BMP6: variants seen among roughly 807,000 people sequenced by gnomAD.
The protein encoded by BMP6 is bone morphogenetic protein 6, also known as VG-1-R.
A neutral mutation model predicts 54.1 loss-of-function variants in BMP6; 17 were observed. The observed-to-expected ratio is 0.31, with a 90% CI of 0.22 to 0.47. The LOEUF is 0.47. Among genes scored for constraint, BMP6 ranks in the 20% least tolerant of loss-of-function variants. BMP6 has a pLI of 1.00. For synonymous variants in BMP6, 328 were observed against 291.2 expected (o/e 1.13, Z -1.28); for missense variants, 720 against 690.4 (o/e 1.04, Z -0.48).
intron 1 of BMP6, among the ~76,000 whole-genome samples, chr6:7,819,361 T>C (rs1758574351): frequency 6.6e-6 from 1 of 152,194 alleles, no homozygotes; most frequent in Admixed American, 6.5e-5. Flanking sequence ...TTGTGTAACT[T>C]GTAGGTTACA....
At chr6:7,853,761 G>A (rs951834950) in intron 2 of BMP6, among the ~76,000 whole-genome samples, 4 of 152,182 alleles carry the variant, frequency 2.6e-5, no homozygotes, top group African/African-American at 9.7e-5. Flanking sequence ...GCCTCGAGAG[G>A]CAAGCAGTGA....
At chr6:7,796,412 TAGA>T (rs1269704794) in intron 1 of BMP6, among the ~76,000 whole-genome samples, 1 of 152,244 alleles carries the variant, frequency 6.6e-6, no homozygotes, top group Non-Finnish European at 1.5e-5. Flanking sequence ...CTGTGCTTGG[TAGA>T]AGAATAGTAC....
chr6:7,795,207 G>A (rs904346223), intron 1 of BMP6, among the ~76,000 whole-genome samples: 12 of 152,126 alleles, frequency 7.9e-5, no homozygotes, highest in African/African-American at 2.7e-4. Flanking sequence ...AAACACAAGG[G>A]CAGACAATTT....
chr6:7,845,191 A>T lies in BMP6; in HGVS notation c.716A>T (p.Lys239Met). 1.2e-6 allele frequency: 2 copies of T among 1,614,208 alleles called. No homozygotes were observed. Among genetic ancestry groups the T allele is most frequent in the Non-Finnish European group, 1.7e-6 (2 of 1,180,016 alleles). The change falls in exon 2 of 7, where the codon AAG becomes ATG. Residue 239 changes from lysine to methionine, a missense_variant. Lys to Met is a moderately conservative substitution (Grantham distance 95). Transcript: ENST00000283147. Reference sequence around the variant, plus strand: ...CGTCAGCGACACCACAAAGAGTTCAAGTTCAACTTATCCCAGATTCCTGAG... The same window carrying T: ...CGTCAGCGACACCACAAAGAGTTCATGTTCAACTTATCCCAGATTCCTGAG... ...SPRQRHHKEF[K>M]FNLSQIPEGE...
At chr6:7,761,819 C>A (rs187697432) in intron 1 of BMP6, among the ~76,000 whole-genome samples, 2 of 152,322 alleles carry the variant, frequency 1.3e-5, no homozygotes, top group Non-Finnish European at 2.9e-5. Flanking sequence ...TGTCATTTGT[C>A]ATTTGTTATT....
At chr6:7,786,242 C>T (rs1238790262) in intron 1 of BMP6, among the ~76,000 whole-genome samples, 1 of 152,120 alleles carries the variant, frequency 6.6e-6, no homozygotes, top group East Asian at 1.9e-4. Context: ...GGACGTCCCA[C>T]CATGATGGCA....
intron 1 of BMP6, among the ~76,000 whole-genome samples, chr6:7,808,369 C>G (rs539823365): frequency 6.6e-6 from 1 of 152,152 alleles, no homozygotes; most frequent in South Asian, 2.1e-4. Context: ...ATGTGTTAAC[C>G]ACTCATTTCA....
chr6:7,768,711 G>A (rs967197291), intron 1 of BMP6, among the ~76,000 whole-genome samples: 4 of 152,122 alleles, frequency 2.6e-5, no homozygotes, highest in Admixed American at 2.0e-4. Flanking sequence ...GTCTGCACAG[G>A]GACGCAAGGT....
In BMP6 at chr6:7,727,333, C is replaced by T. The variant is rs1411240433; in HGVS notation, c.378C>T (p.Pro126=). Residue 126 remains proline (P), a synonymous_variant, in exon 1 of 7, where the codon CCC becomes CCT. Coordinates refer to ENST00000283147, the MANE Select transcript of BMP6 (RefSeq NM_001718.6). ...AGCTGCCTCGCGGAGAGCCCCCTCC[C>T]GGGCGACTGAAGTCCGCGCCCCTCT... ...QQQLPRGEPP[P]GRLKSAPLFM... The T allele has an allele frequency of 1.9e-6, 3 of 1,609,532 alleles. No individual in the cohort carries two copies. The highest frequency in any genetic ancestry group is 2.2e-5 in the South Asian group (2 of 90,796).
At chr6:7,876,635 TG>T (rs1484677301) in intron 4 of BMP6, among the ~76,000 whole-genome samples, 4 of 152,268 alleles carry the variant, frequency 2.6e-5, no homozygotes, top group African/African-American at 7.2e-5. Context: ...ATCTGTTTAA[TG>T]TATAACTAAT....
intron 1 of BMP6, among the ~76,000 whole-genome samples, chr6:7,776,899 G>C (rs981905005): frequency 1.3e-5 from 2 of 152,204 alleles, no homozygotes; most frequent in Admixed American, 1.3e-4. Context: ...AGATATAAAA[G>C]AAGACATATA....
intron 2 of BMP6, among the ~76,000 whole-genome samples, chr6:7,851,553 AT>A (rs1759141940): frequency 1.3e-5 from 2 of 152,000 alleles, no homozygotes; most frequent in African/African-American, 4.8e-5. Flanking sequence ...TTCCTTTTCA[AT>A]TCTATTTTTT....
At chr6:7,809,524 G>A (rs545278398) in intron 1 of BMP6, among the ~76,000 whole-genome samples, 12 of 152,228 alleles carry the variant, frequency 7.9e-5, no homozygotes, top group Non-Finnish European at 1.5e-4. Flanking sequence ...ATGTAGAGGC[G>A]GAAAAGGATG....
intron 1 of BMP6, among the ~76,000 whole-genome samples, chr6:7,801,177 A>G (rs532314944): frequency 3.9e-5 from 6 of 152,262 alleles, no homozygotes; most frequent in East Asian, 1.9e-4. Flanking sequence ...CTTGGCATCA[A>G]CTTTTTAAGA....
chr6:7,798,109 G>A (rs1359967943), intron 1 of BMP6, among the ~76,000 whole-genome samples: 1 of 152,144 alleles, frequency 6.6e-6, no homozygotes, highest in Non-Finnish European at 1.5e-5. Flanking sequence ...GACTTGTTTG[G>A]TGGGGTGTGA....
intron 4 of BMP6, among the ~76,000 whole-genome samples, chr6:7,876,000 A>G (rs948927394): frequency 6.6e-6 from 1 of 152,102 alleles, no homozygotes; most frequent in African/African-American, 2.4e-5. Context: ...ATTGGCTTTG[A>G]TGAAGTCATG....
intron 1 of BMP6, among the ~76,000 whole-genome samples, chr6:7,802,122 A>G (rs1758277901): frequency 6.6e-6 from 1 of 152,230 alleles, no homozygotes; most frequent in African/African-American, 2.4e-5. Flanking sequence ...AGCCTGGATG[A>G]GAACCTTATG....
intron 1 of BMP6, among the ~76,000 whole-genome samples, chr6:7,783,102 AAGGAG>A (rs1757971663): frequency 6.6e-6 from 1 of 152,180 alleles, no homozygotes; most frequent in Non-Finnish European, 1.5e-5. Flanking sequence ...TCTGGCTGTG[AAGGAG>A]AGGAGAGAGA....
intron 1 of BMP6, among the ~76,000 whole-genome samples, chr6:7,836,086 C>G (rs1311339052): frequency 6.6e-6 from 1 of 152,104 alleles, no homozygotes; most frequent in African/African-American, 2.4e-5. Flanking sequence ...GGTGATCTGC[C>G]CACGGCCTCC....
Sources: gnomAD v4.1 joint callset for allele counts (sites outside exome capture counted in the v4.1 genomes callset) on GRCh38, gnomAD v4.1.1 for gene constraint, MANE v1.5 for transcripts, NCBI Gene and HGNC (gene_info 2026-07-23, HGNC 2026-07-21) for gene names.